MTPAP: variants seen among roughly 807,000 people sequenced by gnomAD.
MTPAP encodes poly(A) RNA polymerase, mitochondrial.
MTPAP carries 23 observed loss-of-function variants against 48.7 expected under a neutral mutation model. The ratio of observed to expected loss-of-function variants is 0.47; its 90% CI spans 0.34 to 0.67. The LOEUF (loss-of-function observed/expected upper bound fraction) is 0.67. Ranked by LOEUF, MTPAP falls within the 30% of genes least tolerant of loss-of-function variation. The probability of loss-of-function intolerance (pLI) is 0.01; values close to 1 mark genes in which losing one functional copy is unlikely to be tolerated. For missense variants in MTPAP, 614 were observed against 694.3 expected (o/e 0.88, Z 1.30); for synonymous variants, 257 against 254.1 (o/e 1.01, Z -0.11).
At chr10:30,324,041 T>G (rs538192747) in intron 5 of MTPAP, among the ~76,000 whole-genome samples, 2 of 151,864 alleles carry the variant, frequency 1.3e-5, no homozygotes, top group African/African-American at 4.8e-5. Context: ...GTTAGCTGGG[T>G]GTGGTGTCGC....
At chr10:30,318,583 C>A (rs1453109888) in intron 6 of MTPAP, among the ~76,000 whole-genome samples, 1 of 151,870 alleles carries the variant, frequency 6.6e-6, no homozygotes, top group Non-Finnish European at 1.5e-5. Flanking sequence ...AGTAGCAAAG[C>A]CAGAAAGCAT....
chr10:30,348,982 G>C, intron 1 of MTPAP, 137 bp downstream of exon 1: 2 of 1,282,658 alleles, frequency 1.6e-6, no homozygotes, highest in South Asian at 1.3e-5. Flanking sequence ...GAGATCAGAG[G>C]AGAGGAGAGG....
intron 4 of MTPAP, among the ~76,000 whole-genome samples, chr10:30,333,696 C>T (rs1322470994): frequency 6.6e-6 from 1 of 152,122 alleles, no homozygotes; most frequent in Non-Finnish European, 1.5e-5. Flanking sequence ...GGGTGGATCA[C>T]CTGAACTCAG....
chr10:30,341,956 G>A (rs895440997), intron 1 of MTPAP, among the ~76,000 whole-genome samples: 2 of 152,052 alleles, frequency 1.3e-5, no homozygotes, highest in South Asian at 2.1e-4. Context: ...TAATAACAAC[G>A]GGCCGGGCTT....
intron 8 of MTPAP, among the ~76,000 whole-genome samples, chr10:30,314,835 GC>G (rs1400371492): frequency 2.9e-5 from 4 of 136,516 alleles, no homozygotes; most frequent in African/African-American, 1.1e-4. Context: ...TCATGCCACT[GC>G]ACTCCAGCCT....
chr10:30,316,523 G>A (rs905476155), intron 6 of MTPAP, among the ~76,000 whole-genome samples: 4 of 150,668 alleles, frequency 2.7e-5, no homozygotes, highest in South Asian at 2.1e-4. Flanking sequence ...GATTACAGGC[G>A]TGAGCCACCG....
At chr10:30,336,707 A>G in intron 4 of MTPAP, 96 bp downstream of exon 4, 1 of 974,724 alleles carries the variant, frequency 1.0e-6, no homozygotes. Flanking sequence ...TAATAAGTTT[A>G]GAAATCAACA....
chr10:30,313,159 T>C lies in MTPAP; in HGVS notation c.*450A>G, dbSNP rs1256454649. On this transcript the variant is annotated 3_prime_UTR_variant, in exon 9 of 9. Transcript: ENST00000263063. ...CAGGGACTGATGTGGATATCAACAA[T>C]GGTTTCATCCTAAAACTGAGTTTTA... 2 of 183,676 alleles carry C rather than the reference T, an allele frequency of 1.1e-5. No homozygotes were observed. The highest frequency in any genetic ancestry group is 2.3e-5 in the Non-Finnish European group (2 of 86,818). The allele number at this position is 183,676 out of a possible 1,614,324, so 11.4% of individuals were successfully genotyped here.
chr10:30,319,801 A>G (rs1343763675), intron 6 of MTPAP, among the ~76,000 whole-genome samples: 1 of 152,254 alleles, frequency 6.6e-6, no homozygotes, highest in Non-Finnish European at 1.5e-5. Flanking sequence ...TATGCCGAGA[A>G]GCAATTGCAA....
chr10:30,332,765 G>C (rs924710519), intron 4 of MTPAP, among the ~76,000 whole-genome samples: 2 of 151,938 alleles, frequency 1.3e-5, no homozygotes, highest in Admixed American at 6.6e-5. Context: ...CAGGAGGATC[G>C]TTAGCCCAGG....
At position 30,312,290 on chromosome 10, in the gene MTPAP, AG is replaced by A. The variant is rs1376978729; in HGVS notation, c.*1318del. 2.6e-5 allele frequency: 4 copies of A among 152,164 alleles called. No homozygotes were observed. The highest frequency in any genetic ancestry group is 9.7e-5 in the African/African-American group (4 of 41,430). 9.4% of individuals were successfully genotyped at this position (152,164 alleles called of 1,614,324 possible). Reference sequence around the variant, plus strand: ...CCAACCAAACTTGGATTGAAAATACAGTATTCTCGGCCAGGCATGGTGGCTC... The same window carrying A: ...CCAACCAAACTTGGATTGAAAATACATATTCTCGGCCAGGCATGGTGGCTC... On this transcript the variant is annotated 3_prime_UTR_variant, in exon 9 of 9. Transcript: ENST00000263063.
chr10:30,316,365 C>G (rs1303654344), intron 6 of MTPAP, among the ~76,000 whole-genome samples, 155 bp from the exon 7 acceptor site: 4 of 151,768 alleles, frequency 2.6e-5, no homozygotes, highest in Non-Finnish European at 5.9e-5. Context: ...GCCTCAGCCT[C>G]CCGGGTAGCT....
chr10:30,331,859 G>A (rs1462881460), intron 4 of MTPAP, among the ~76,000 whole-genome samples: 4 of 152,334 alleles, frequency 2.6e-5, no homozygotes, highest in African/African-American at 4.8e-5. Context: ...GAGCCACCAC[G>A]CCTAGCTGTA....
At position 30,317,990 on chromosome 10, in the gene MTPAP, C is replaced by T. The variant is rs368347360; in HGVS notation, c.1220-1780G>A. The stretch of plus-strand genomic sequence containing the variant: ...CTCCTGCCCCAGCCTCCTGAGTAGC[C>T]GGAACTACAGGCGAACACCACCACA... On this transcript the variant is annotated intron_variant, in intron 6 of 8. Transcript: ENST00000263063. Among the ~76,000 whole-genome samples, 23 of 152,080 alleles carry T rather than the reference C, an allele frequency of 1.5e-4. No homozygotes were observed. In the East Asian group the frequency reaches 4.1e-3, roughly 27 times the overall value.
chr10:30,342,827 G>C (rs551774199), intron 1 of MTPAP, among the ~76,000 whole-genome samples: 1 of 152,132 alleles, frequency 6.6e-6, no homozygotes, highest in Non-Finnish European at 1.5e-5. Flanking sequence ...CCTCGTTACT[G>C]CCCATGAAGA....
chr10:30,338,388 A>T (rs1834756356), intron 3 of MTPAP, among the ~76,000 whole-genome samples: 1 of 152,158 alleles, frequency 6.6e-6, no homozygotes, highest in Non-Finnish European at 1.5e-5. Flanking sequence ...AAAATAATAA[A>T]AGAGGCCGGG....
chr10:30,316,240 GTTT>G, intron 6 of MTPAP, 30 bp from the exon 7 acceptor site: 12 of 1,286,682 alleles, frequency 9.3e-6, no homozygotes, highest in East Asian at 2.7e-5. Flanking sequence ...TATTTCACGT[GTTT>G]TTTTTTTTTC....
chr10:30,335,453 T>C (rs1345857633), intron 4 of MTPAP, among the ~76,000 whole-genome samples: 1 of 152,120 alleles, frequency 6.6e-6, no homozygotes, highest in Non-Finnish European at 1.5e-5. Context: ...GTCACCGTAC[T>C]TCAGCCTAGG....
chr10:30,344,257 T>C (rs1834844780), intron 1 of MTPAP, among the ~76,000 whole-genome samples: 1 of 152,152 alleles, frequency 6.6e-6, no homozygotes, highest in East Asian at 1.9e-4. Context: ...TACTATCACA[T>C]GCTATGAACT....
Sources: gnomAD v4.1 joint callset for allele counts (sites outside exome capture counted in the v4.1 genomes callset) on GRCh38, gnomAD v4.1.1 for gene constraint, MANE v1.5 for transcripts, NCBI Gene and HGNC (gene_info 2026-07-23, HGNC 2026-07-21) for gene names.